Variants in LRP1B observed in about 807,000 individuals in gnomAD.
The protein encoded by LRP1B is low-density lipoprotein receptor-related protein 1B.
Under a neutral mutation model 556.6 loss-of-function variants are expected in LRP1B, and 217 were observed. That is an observed-to-expected ratio of 0.39 (90% CI 0.35 to 0.44). LRP1B has a LOEUF of 0.44. LRP1B is among the 20% of genes least tolerant of loss of function. The pLI, the probability that LRP1B is intolerant of heterozygous loss-of-function variation, is 1.00. For missense variants in LRP1B, 5,053 were observed against 5,620.8 expected (o/e 0.90, Z 3.23); for synonymous variants, 2,047 against 1,865.8 (o/e 1.10, Z -2.50).
intron 58 of LRP1B, among the ~76,000 whole-genome samples, chr2:140,487,317 G>T (rs1449168627): frequency 6.6e-6 from 1 of 151,800 alleles, no homozygotes; most frequent in Non-Finnish European, 1.5e-5. Context: ...TGAATTGCAG[G>T]CACTAATCCT....
rs376228660 is a variant in LRP1B at position 140,969,139 on chromosome 2, C to G, written c.2887+13021G>C. Among the ~76,000 whole-genome samples the G allele has an allele frequency of 5.9e-5, 9 of 152,240 alleles. No homozygotes were observed. The East Asian group carries it at 1.7e-3, about 29-fold the overall frequency. ...AATGTTAACAGTGGTGTGTTAAAGT[C>G]TCCCATTATTATTCTGTGGGAGTCT... On this transcript the variant is annotated intron_variant, in intron 18 of 90. Transcript: ENST00000389484.
intron 1 of LRP1B, among the ~76,000 whole-genome samples, chr2:141,992,155 A>G (rs1009772923): frequency 3.9e-5 from 6 of 152,100 alleles, no homozygotes; most frequent in African/African-American, 2.4e-5. Context: ...GTATTTTTTA[A>G]TCATTTATTC....
Position 140,950,380 on chromosome 2 carries a change from A to G in LRP1B, c.2991T>C (p.Ser997=), listed in dbSNP as rs1356531127. Residue 997 remains serine (S), a synonymous_variant, in exon 20 of 91, where the codon AGT becomes AGC. Transcript: ENST00000389484. ...AAGAGTGAACACAGCCCACCTCATC[A>G]CTCCCGTCCCCACAGTCGTCATCTG... ...CDSDDDCGDG[S]DEVGCVHSCF... is the part of the protein sequence containing the mutation. 2 of 1,607,262 alleles carry G rather than the reference A, an allele frequency of 1.2e-6. No homozygotes were observed. The highest frequency in any genetic ancestry group is 2.2e-5 in the East Asian group (1 of 44,466).
intron 3 of LRP1B, among the ~76,000 whole-genome samples, chr2:141,423,211 G>T (rs1291077920): frequency 6.6e-6 from 1 of 150,940 alleles, no homozygotes; most frequent in Non-Finnish European, 1.5e-5. Context: ...GTATTGCATT[G>T]GCTGATGTAC....
In LRP1B at chr2:141,457,581, C is replaced by G. The variant is rs188426745; in HGVS notation, c.343+22815G>C. 2.1e-3 allele frequency among the ~76,000 whole-genome samples: 322 copies of G among 152,024 alleles called. 1 individual carries two copies. The highest frequency in any genetic ancestry group is 6.8e-3 in the Middle Eastern group (2 of 294). On this transcript the variant is annotated intron_variant, in intron 3 of 90. Transcript: ENST00000389484. ...AAACCTGCACATCCTACACGTGTACCCTGGAACTTAAAAATAAAAATTAAA... is the reference window on the plus strand; with the variant it reads ...AAACCTGCACATCCTACACGTGTACGCTGGAACTTAAAAATAAAAATTAAA...
intron 2 of LRP1B, among the ~76,000 whole-genome samples, chr2:141,780,292 AT>A (rs148942695): frequency 0.011 from 1,618 of 151,728 alleles, 35 homozygotes; most frequent in African/African-American, 0.038. Context: ...AGTTTTAAAC[AT>A]TTTTTTTGGC....
At chr2:140,329,843 T>C (rs1680702279) in intron 79 of LRP1B, among the ~76,000 whole-genome samples, 2 of 151,820 alleles carry the variant, frequency 1.3e-5, no homozygotes, top group South Asian at 2.1e-4. Flanking sequence ...CATTCACTGC[T>C]ATTCCTGTTA....
intron 89 of LRP1B, among the ~76,000 whole-genome samples, chr2:140,237,816 C>A (rs1196996077): frequency 6.6e-6 from 1 of 150,648 alleles, no homozygotes; most frequent in African/African-American, 2.4e-5. Flanking sequence ...TGTGTGATAT[C>A]AATACTAAAA....
chr2:141,959,155 A>T (rs1054956397), intron 1 of LRP1B, among the ~76,000 whole-genome samples: 1 of 151,276 alleles, frequency 6.6e-6, no homozygotes. Flanking sequence ...GGCAAGAAAC[A>T]TCATTTACTG....
intron 1 of LRP1B, among the ~76,000 whole-genome samples, chr2:141,891,226 A>G (rs573082641): frequency 2.6e-5 from 4 of 152,246 alleles, no homozygotes; most frequent in South Asian, 2.1e-4. Context: ...GCATTGGAAA[A>G]AGCAGAGAGA....
chr2:140,302,943 C>G (rs975585438), intron 83 of LRP1B, among the ~76,000 whole-genome samples: 4 of 148,644 alleles, frequency 2.7e-5, no homozygotes, highest in African/African-American at 9.9e-5. Context: ...CTTGAGTGTG[C>G]AGACAGTATA....
chr2:140,737,971 A>G (rs1688004565), intron 35 of LRP1B, among the ~76,000 whole-genome samples: 1 of 152,188 alleles, frequency 6.6e-6, no homozygotes, highest in Non-Finnish European at 1.5e-5. Context: ...TTTCCAATGC[A>G]GAGATGAAAA....
At chr2:140,423,190 T>A (rs1428611637) in intron 66 of LRP1B, among the ~76,000 whole-genome samples, 2 of 152,162 alleles carry the variant, frequency 1.3e-5, no homozygotes, top group Non-Finnish European at 2.9e-5. Context: ...CCCATGTAAT[T>A]GCTGTGGGTT....
chr2:141,529,073 C>T (rs192355963), intron 2 of LRP1B, among the ~76,000 whole-genome samples: 6 of 152,274 alleles, frequency 3.9e-5, no homozygotes, highest in Admixed American at 3.3e-4. Flanking sequence ...ACACTTTTTA[C>T]CTGAAACATG....
At chr2:141,365,995 A>T (rs534292509) in intron 3 of LRP1B, among the ~76,000 whole-genome samples, 1 of 152,164 alleles carries the variant, frequency 6.6e-6, no homozygotes, top group Non-Finnish European at 1.5e-5. Flanking sequence ...TTTTAAAAAT[A>T]TATACTAGTT....
rs1387533481 is a variant in LRP1B at position 140,528,075 on chromosome 2, C to G, written c.7763-1725G>C. On this transcript the variant is annotated intron_variant, in intron 47 of 90. Transcript: ENST00000389484. Reference sequence around the variant, plus strand: ...CTCGTTTCACCATCACAATCTGCCTCCAATCTCCCATAGAGAATTCTCTGT... The same window carrying G: ...CTCGTTTCACCATCACAATCTGCCTGCAATCTCCCATAGAGAATTCTCTGT... 2.6e-5 allele frequency among the ~76,000 whole-genome samples: 4 copies of G among 151,818 alleles called. No homozygotes were observed. The Admixed American group carries it at 2.6e-4, about 10-fold the overall frequency.
intron 3 of LRP1B, among the ~76,000 whole-genome samples, chr2:141,464,296 C>G (rs1178976742): frequency 1.3e-5 from 2 of 152,130 alleles, no homozygotes. Context: ...TTTGATTCCT[C>G]TAAGCACTTT....
intron 55 of LRP1B, among the ~76,000 whole-genome samples, chr2:140,499,967 C>T (rs1483471022): frequency 4.6e-5 from 7 of 151,840 alleles, no homozygotes; most frequent in Non-Finnish European, 8.8e-5. Flanking sequence ...GGAAAGATTT[C>T]TATGTTAATT....
intron 2 of LRP1B, among the ~76,000 whole-genome samples, chr2:141,544,319 C>CTTCTTCTTCTTCTT (rs1559130911): frequency 1.2e-3 from 50 of 42,936 alleles, no homozygotes; most frequent in East Asian, 5.7e-3. Context: ...TCTTCTTCTT[C>CTTCTTCTTCTTCTT]TTCTTCTTCT....
Sources: gnomAD v4.1 joint callset for allele counts (sites outside exome capture counted in the v4.1 genomes callset) on GRCh38, gnomAD v4.1.1 for gene constraint, MANE v1.5 for transcripts, NCBI Gene and HGNC (gene_info 2026-07-23, HGNC 2026-07-21) for gene names.